The following TRDN variants were observed in gnomAD, a reference collection of about 807,000 sequenced individuals.
TRDN encodes triadin in skeletal muscle.
A neutral mutation model predicts 149.7 loss-of-function variants in TRDN; 161 were observed. The observed-to-expected ratio is 1.08, with a 90% CI of 0.95 to 1.23. TRDN has a LOEUF of 1.23. TRDN is among the 50% of genes most tolerant of loss of function. The pLI is 0.00. For synonymous variants in TRDN, 294 were observed against 250.5 expected (o/e 1.17, Z -1.64); for missense variants, 896 against 823.5 (o/e 1.09, Z -1.08).
intron 8 of TRDN, chr6:123,498,655 G>A (rs1778549360): frequency 2.1e-6 from 1 of 469,596 alleles, no homozygotes; most frequent in African/African-American, 2.0e-5. Context: ...CCTATGATTG[G>A]GAAAGACATA....
At chr6:123,271,083 G>T in intron 30 of TRDN, 56 bp downstream of exon 30, 1 of 1,092,958 alleles carries the variant, frequency 9.1e-7, no homozygotes, top group Non-Finnish European at 1.3e-6. Flanking sequence ...ACACATATGA[G>T]TGCACCACAT....
At chr6:123,559,740 C>G (rs1461178611) in intron 2 of TRDN, among the ~76,000 whole-genome samples, 1 of 152,216 alleles carries the variant, frequency 6.6e-6, no homozygotes, top group African/African-American at 2.4e-5. Flanking sequence ...TAAAACCAGA[C>G]AAGCCTTACA....
At chr6:123,443,965 C>T (rs1775114821) in intron 10 of TRDN, among the ~76,000 whole-genome samples, 1 of 150,880 alleles carries the variant, frequency 6.6e-6, no homozygotes, top group South Asian at 2.1e-4. Context: ...ATGCCTCCAG[C>T]TTTGTTCTTT....
chr6:123,306,650 C>G (rs929789683), intron 24 of TRDN, among the ~76,000 whole-genome samples: 2 of 152,058 alleles, frequency 1.3e-5, no homozygotes, highest in Non-Finnish European at 2.9e-5. Flanking sequence ...ACCTCTGTCA[C>G]TCACCAATGG....
intron 35 of TRDN, among the ~76,000 whole-genome samples, chr6:123,256,941 T>C (rs1331268084): frequency 6.6e-6 from 1 of 151,720 alleles, no homozygotes; most frequent in East Asian, 1.9e-4. Context: ...CTAGGGTTTT[T>C]ATGGTTTTAG....
chr6:123,264,737 C>T (rs191239413), intron 33 of TRDN, among the ~76,000 whole-genome samples: 1 of 152,186 alleles, frequency 6.6e-6, no homozygotes, highest in South Asian at 2.1e-4. Flanking sequence ...AAATTTCTAA[C>T]CTTCAGAAAC....
chr6:123,520,709 T>G (rs1461671095), intron 5 of TRDN, among the ~76,000 whole-genome samples: 2 of 152,192 alleles, frequency 1.3e-5, no homozygotes, highest in Non-Finnish European at 2.9e-5. Flanking sequence ...TCAATTTAAA[T>G]GTATGGACAA....
intron 8 of TRDN, 30 bp downstream of exon 8, chr6:123,503,689 C>A (rs1254582236): frequency 6.2e-7 from 1 of 1,612,924 alleles, no homozygotes; most frequent in Non-Finnish European, 8.5e-7. Context: ...CTCTTAGAAC[C>A]TCCGGCAGCC....
At chr6:123,288,072 G>T (rs1041548124) in intron 24 of TRDN, among the ~76,000 whole-genome samples, 1 of 151,818 alleles carries the variant, frequency 6.6e-6, no homozygotes. Flanking sequence ...AAATATAAAG[G>T]TCACATTCAA....
intron 23 of TRDN, among the ~76,000 whole-genome samples, chr6:123,325,557 T>A (rs187269667): frequency 1.3e-3 from 198 of 152,210 alleles, no homozygotes; most frequent in African/African-American, 4.5e-3. Context: ...GAATAAAATA[T>A]ATAGATTAAT....
At chr6:123,611,631 A>G (rs937840965) in intron 1 of TRDN, among the ~76,000 whole-genome samples, 1 of 152,172 alleles carries the variant, frequency 6.6e-6, no homozygotes. Flanking sequence ...TCGTTCTATC[A>G]TAGATCAAAA....
At chr6:123,501,719 A>C in intron 8 of TRDN, 1 of 522,380 alleles carries the variant, frequency 1.9e-6, no homozygotes. Context: ...TGTTTAGCTG[A>C]TAAAATCACA....
At chr6:123,255,202 G>T (rs75123491) in intron 36 of TRDN, 77 bp from the exon 37 acceptor site, 7 of 649,846 alleles carry the variant, frequency 1.1e-5, no homozygotes, top group Non-Finnish European at 1.5e-5. Context: ...TCACATCAAC[G>T]AATGAGGATA....
chr6:123,577,219 T>C (rs58390525), intron 1 of TRDN, among the ~76,000 whole-genome samples: 32,816 of 151,994 alleles, frequency 0.22, 4,259 homozygotes, highest in East Asian at 0.52. Flanking sequence ...CGGGGGTTTG[T>C]TGTACAGGTT....
At chr6:123,361,204 A>T (rs981151723) in intron 20 of TRDN, among the ~76,000 whole-genome samples, 1 of 152,100 alleles carries the variant, frequency 6.6e-6, no homozygotes, top group African/African-American at 2.4e-5. Context: ...ATGCAGCCAT[A>T]AAAAAACGAT....
At chr6:123,380,726 T>TTTTGTTTTC (rs1781682997) in intron 16 of TRDN, among the ~76,000 whole-genome samples, 1 of 151,898 alleles carries the variant, frequency 6.6e-6, no homozygotes. Flanking sequence ...TTTTTTTTTT[T>TTTTGTTTTC]TTGCTTTCTT....
chr6:123,455,350 G>T (rs1447405662), intron 10 of TRDN, among the ~76,000 whole-genome samples: 1 of 151,680 alleles, frequency 6.6e-6, no homozygotes, highest in Non-Finnish European at 1.5e-5. Flanking sequence ...TAGCTGAGGG[G>T]TGCCATGTCT....
chr6:123,234,739 C>T (rs996849044), intron 38 of TRDN, among the ~76,000 whole-genome samples: 1 of 152,086 alleles, frequency 6.6e-6, no homozygotes, highest in Non-Finnish European at 1.5e-5. Context: ...TGTTGAAGGA[C>T]TGGGTTTAGA....
intron 6 of TRDN, among the ~76,000 whole-genome samples, chr6:123,512,790 A>C (rs1779243678): frequency 6.6e-6 from 1 of 152,146 alleles, no homozygotes; most frequent in African/African-American, 2.4e-5. Flanking sequence ...TTTTTTCAAG[A>C]ATAACAATGG....
Sources: gnomAD v4.1 joint callset for allele counts (sites outside exome capture counted in the v4.1 genomes callset) on GRCh38, gnomAD v4.1.1 for gene constraint, MANE v1.5 for transcripts, NCBI Gene and HGNC (gene_info 2026-07-23, HGNC 2026-07-21) for gene names.